Variants in ATXN2L observed in about 807,000 individuals in gnomAD.
ATXN2L encodes ataxin-2-like protein.
ATXN2L carries 24 observed loss-of-function variants against 120.7 expected under a neutral mutation model. The observed-to-expected ratio is 0.20, with a 90% CI of 0.14 to 0.28. The LOEUF (loss-of-function observed/expected upper bound fraction) is 0.28. Among genes scored for constraint, ATXN2L ranks in the 10% least tolerant of loss-of-function variants. The probability of loss-of-function intolerance (pLI) is 1.00; values close to 1 mark genes in which losing one functional copy is unlikely to be tolerated. For synonymous variants in ATXN2L, 653 were observed against 568.1 expected (o/e 1.15, Z -2.13); for missense variants, 1,312 against 1,432.3 (o/e 0.92, Z 1.36).
chr16:28,827,994 C>T (rs1012876414), intron 6 of ATXN2L, among the ~76,000 whole-genome samples: 2 of 152,152 alleles, frequency 1.3e-5, no homozygotes, highest in Non-Finnish European at 2.9e-5. Context: ...CTTGCCTTTT[C>T]GAACTTCTCA....
intron 1 of ATXN2L, chr16:28,824,295 G>T: frequency 8.5e-7 from 1 of 1,182,516 alleles, no homozygotes. Context: ...GTGCGAGTGT[G>T]TGTGTGTTAA....
Position 28,836,424 on chromosome 16 carries a change from G to GC in ATXN2L, c.*165dup, listed in dbSNP as rs760664058. 4 of 1,613,386 alleles carry GC rather than the reference G, an allele frequency of 2.5e-6. No homozygotes were observed. The highest frequency in any genetic ancestry group is 3.4e-6 in the Non-Finnish European group (4 of 1,179,934). ...GTCCTCGCTCAGTTGTGATCCAGCA[G>GC]CCCCCCTCCCCACTGCCTCCCCAGC... On this transcript the variant is annotated 3_prime_UTR_variant, in exon 22 of 22. Transcript: ENST00000336783.
Position 28,825,417 on chromosome 16 carries a change from C to G in ATXN2L, c.336+15C>G, listed in dbSNP as rs765047282. The G allele has an allele frequency of 6.2e-7, 1 of 1,613,072 alleles. No homozygotes were observed. The highest frequency in any genetic ancestry group is 2.2e-5 in the East Asian group (1 of 44,886). On this transcript the variant is annotated intron_variant, in intron 2 of 21. Transcript: ENST00000336783. ...CACAGTCACCTGTGAGTGTCTTCTC[C>G]CACCCTGTTTAAGATACATAGACCT...
Position 28,823,180 on chromosome 16 carries a change from C to A in ATXN2L, c.-80C>A. 9.6e-7 allele frequency: 1 copy of A among 1,038,054 alleles called. No homozygotes were observed. The highest frequency in any genetic ancestry group is 1.2e-6 in the Non-Finnish European group (1 of 803,500). 64.3% of individuals were successfully genotyped at this position (1,038,054 alleles called of 1,614,324 possible). On this transcript the variant is annotated 5_prime_UTR_variant, in exon 1 of 22. Coordinates refer to ENST00000336783, the MANE Select transcript of ATXN2L (RefSeq NM_007245.4). ...CCGGCTGCCCGATCCCCCTCGCTTC[C>A]CGCGCTCTCCAGCGGGGCCCCAGCC...
intron 21 of ATXN2L, 57 bp from the exon 22 acceptor site, chr16:28,835,876 C>T (rs1248398081): frequency 3.2e-6 from 5 of 1,567,640 alleles, no homozygotes; most frequent in Non-Finnish European, 4.3e-6. Context: ...AACTCTGGCT[C>T]TCAGAGTCTG....
Position 28,827,002 on chromosome 16 carries a change from C to A in ATXN2L, c.741+16C>A, listed in dbSNP as rs2052322175. On this transcript the variant is annotated intron_variant, in intron 6 of 21. Coordinates refer to ENST00000336783, the MANE Select transcript of ATXN2L (RefSeq NM_007245.4). Reference sequence around the variant, plus strand: ...GTCTGACATGGTATAGCCTCCTTCCCTGAGAACTTGGGAGCTGGACAGACA... The same window carrying A: ...GTCTGACATGGTATAGCCTCCTTCCATGAGAACTTGGGAGCTGGACAGACA... The A allele has an allele frequency of 2.1e-6, 3 of 1,441,928 alleles. No individual in the cohort carries two copies. In the East Asian group the frequency reaches 7.4e-5, roughly 36 times the overall value. The allele number at this position is 1,441,928 out of a possible 1,614,324, so 89.3% of individuals were successfully genotyped here.
rs1238244768 is a variant in ATXN2L at position 28,831,054 on chromosome 16, G to A, written c.1303G>A (p.Val435Ile). 2.5e-6 allele frequency: 4 copies of A among 1,608,282 alleles called. No individual in the cohort carries two copies. In the African/African-American group the frequency reaches 4.0e-5, roughly 16 times the overall value. ...PSNRPSGETS[V>I]PPPPAVGRMY... ...TAATAGGCCTTCTGGAGAAACTTCT[G>A]TTCCACCTCCTCCTGCAGGTAAAGC... Residue 435 changes from valine to isoleucine, a missense_variant, in exon 10 of 22, where the codon GTT becomes ATT. By Grantham distance (29) the Val-to-Ile change is conservative. Transcript: ENST00000336783.
chr16:28,830,403 T>C (rs2053929111), intron 8 of ATXN2L, among the ~76,000 whole-genome samples: 1 of 152,120 alleles, frequency 6.6e-6, no homozygotes, highest in South Asian at 2.1e-4. Context: ...ACTGGCCAGG[T>C]TGGTTGGCTC....
intron 5 of ATXN2L, 109 bp from the exon 6 acceptor site, chr16:28,826,753 C>A: frequency 7.5e-7 from 1 of 1,338,180 alleles, no homozygotes; most frequent in Non-Finnish European, 9.9e-7. Flanking sequence ...GTACTCTGGA[C>A]TTCTTAAACT....
At chr16:28,824,323 G>C (rs1475065678) in intron 1 of ATXN2L, 1 of 1,200,636 alleles carries the variant, frequency 8.3e-7, no homozygotes, top group Non-Finnish European at 1.1e-6. Flanking sequence ...AAGAGTGGCA[G>C]CACACGCAGG....
Position 28,836,572 on chromosome 16 carries a change from C to T in ATXN2L, c.*307C>T. 6.4e-7 allele frequency: 1 copy of T among 1,567,674 alleles called. No homozygotes were observed. Among genetic ancestry groups the T allele is most frequent in the South Asian group, 1.2e-5 (1 of 86,288 alleles). ...GTGAGGGCTCTGGCTTACTGGGAAA[C>T]AGCGATTGACCTGTGCTTCTGACAG... is the stretch of plus-strand genomic sequence containing the variant. On this transcript the variant is annotated 3_prime_UTR_variant, in exon 22 of 22. Coordinates refer to ENST00000336783, the MANE Select transcript of ATXN2L (RefSeq NM_007245.4).
At chr16:28,824,418 C>G (rs755491656) in intron 1 of ATXN2L, 125 of 1,281,274 alleles carry the variant, frequency 9.8e-5, no homozygotes, top group Non-Finnish European at 1.2e-4. Flanking sequence ...CGAGGCCTCC[C>G]GGTGGATGGC....
Position 28,826,252 on chromosome 16 carries a change from G to A in ATXN2L, c.478G>A (p.Val160Met), listed in dbSNP as rs372682331. The A allele has an allele frequency of 6.2e-6, 10 of 1,614,042 alleles. No homozygotes were observed. Among genetic ancestry groups the A allele is most frequent in the African/African-American group, 1.3e-5 (1 of 74,926 alleles). ...KTLSSKFELA[V>M]DAVHRKASEP... ...GGGGTGTTTGTAGTTTGAACTAGCC[G>A]TGGATGCTGTGCACCGGAAAGCATC... The change falls in exon 5 of 22, where the codon GTG becomes ATG. Residue 160 changes from valine (V) to methionine (M), a missense_variant. Transcript: ENST00000336783.
At position 28,837,044 on chromosome 16, in the gene ATXN2L, CGGAAGAT is replaced by C; in HGVS notation, c.*780_*786del. 1 of 649,382 alleles carries C rather than the reference CGGAAGAT, an allele frequency of 1.5e-6. No homozygotes were observed. The highest frequency in any genetic ancestry group is 2.1e-5 in the Admixed American group (1 of 47,462). The allele number at this position is 649,382 out of a possible 1,614,324, so 40.2% of individuals were successfully genotyped here. A position where few individuals can be genotyped will look rare whatever the true frequency, so the allele number is the denominator to read the frequency against. On this transcript the variant is annotated 3_prime_UTR_variant, in exon 22 of 22. Coordinates refer to ENST00000336783, the MANE Select transcript of ATXN2L (RefSeq NM_007245.4). ...CTCTCATCTATTCCCCCGCTGGAGACGGAAGATCTTTTATTTTCTATTATTTATAACT... is the reference window on the plus strand; with the variant it reads ...CTCTCATCTATTCCCCCGCTGGAGACCTTTTATTTTCTATTATTTATAACT...
intron 1 of ATXN2L, chr16:28,824,053 G>A: frequency 5.1e-6 from 5 of 988,024 alleles, no homozygotes; most frequent in Non-Finnish European, 6.1e-6. Context: ...TCCCGGTCTG[G>A]CCAGTAGGAG....
chr16:28,826,467 ATGGTGATGTGTT>A (rs1239420098), intron 5 of ATXN2L, 77 bp downstream of exon 5: 10 of 1,491,822 alleles, frequency 6.7e-6, no homozygotes, highest in African/African-American at 1.4e-5. Context: ...CAGGTGGAAC[ATGGTGATGTGTT>A]TGGTTTGTTT....
intron 10 of ATXN2L, among the ~76,000 whole-genome samples, chr16:28,831,388 C>T (rs534516962): frequency 4.6e-5 from 7 of 152,096 alleles, no homozygotes; most frequent in Admixed American, 1.3e-4. Flanking sequence ...AGTACGGTGG[C>T]GCCATCTCAG....
chr16:28,830,603 C>T lies in ATXN2L; in HGVS notation c.1035-12C>T, dbSNP rs998393682. 6.5e-7 allele frequency: 1 copy of T among 1,548,960 alleles called. No individual in the cohort carries two copies. The highest frequency in any genetic ancestry group is 1.4e-5 in the African/African-American group (1 of 71,942). On this transcript the variant is annotated splice_polypyrimidine_tract_variant and intron_variant, in intron 8 of 21. Coordinates refer to ENST00000336783, the MANE Select transcript of ATXN2L (RefSeq NM_007245.4). ...TTGTGGCTACCTGGCCTTATTTGAA[C>T]TCTTTCCTCAGGGAGGGGAAGTATA...
At chr16:28,824,699 C>T (rs2051144915) in intron 1 of ATXN2L, 5 of 737,176 alleles carry the variant, frequency 6.8e-6, no homozygotes, top group South Asian at 2.2e-5. Flanking sequence ...AAGCTGCACT[C>T]CTGGAGCTTT....
Sources: allele counts gnomAD v4.1 joint callset (sites outside exome capture counted in the v4.1 genomes callset), GRCh38; gene constraint gnomAD v4.1.1; transcripts MANE v1.5; gene names NCBI Gene and HGNC (gene_info 2026-07-23, HGNC 2026-07-21).